WWOX: variants seen among roughly 807,000 people sequenced by gnomAD.
The protein encoded by WWOX is WW domain-containing oxidoreductase.
Under a neutral mutation model 46.2 loss-of-function variants are expected in WWOX, and 69 were observed. The observed-to-expected ratio is 1.49, with a 90% CI of 1.23 to 1.82. WWOX has a LOEUF of 1.82. Among genes scored for constraint, WWOX ranks in the 40% most tolerant of loss-of-function variants. The pLI, the probability that WWOX is intolerant of heterozygous loss-of-function variation, is 0.00. For synonymous variants in WWOX, 359 were observed against 202.6 expected (o/e 1.77, Z -6.56); for missense variants, 919 against 542.6 (o/e 1.69, Z -6.89).
At chr16:79,137,820 G>C (rs2050012125) in intron 8 of WWOX, among the ~76,000 whole-genome samples, 1 of 151,982 alleles carries the variant, frequency 6.6e-6, no homozygotes, top group Non-Finnish European at 1.5e-5. Flanking sequence ...GTGCCTGCTG[G>C]GTCAGGCTTC....
intron 8 of WWOX, among the ~76,000 whole-genome samples, chr16:78,945,567 G>A (rs1246143717): frequency 6.6e-6 from 1 of 152,154 alleles, no homozygotes. Context: ...TGGCCTTTTA[G>A]TCTTTTGGTT....
chr16:78,293,949 C>T (rs1035817139), intron 5 of WWOX, among the ~76,000 whole-genome samples: 3 of 125,182 alleles, frequency 2.4e-5, no homozygotes, highest in Admixed American at 2.1e-4. Flanking sequence ...TGCACTCTAG[C>T]CTGGGCGACA....
chr16:78,648,660 C>G (rs1299045224), intron 8 of WWOX, among the ~76,000 whole-genome samples: 1 of 152,162 alleles, frequency 6.6e-6, no homozygotes, highest in Non-Finnish European at 1.5e-5. Context: ...ACAGGATGTC[C>G]TGGTCTAGGG....
chr16:78,752,340 T>C lies in WWOX; in HGVS notation c.1056+319588T>C, dbSNP rs140046550. 6.6e-5 allele frequency among the ~76,000 whole-genome samples: 10 copies of C among 152,318 alleles called. No homozygotes were observed. The East Asian group carries it at 1.5e-3, about 24-fold the overall frequency. On this transcript the variant is annotated intron_variant, in intron 8 of 8. Coordinates refer to ENST00000566780, the MANE Select transcript of WWOX (RefSeq NM_016373.4). Reference sequence around the variant, plus strand: ...TCACACTCTGTTGCCCAGGCTAGAGTACAGTGATGCGATCTCAGCTTACTG... The same window carrying C: ...TCACACTCTGTTGCCCAGGCTAGAGCACAGTGATGCGATCTCAGCTTACTG...
intron 8 of WWOX, among the ~76,000 whole-genome samples, chr16:78,687,446 G>A (rs574622444): frequency 6.6e-6 from 1 of 152,294 alleles, no homozygotes; most frequent in African/African-American, 2.4e-5. Context: ...ATTTATCACG[G>A]TTAAGTGAAC....
At chr16:78,457,392 G>C (rs1050143875) in intron 8 of WWOX, among the ~76,000 whole-genome samples, 1 of 152,202 alleles carries the variant, frequency 6.6e-6, no homozygotes, top group Non-Finnish European at 1.5e-5. Flanking sequence ...TAGATAGAGA[G>C]CTGCACCAAC....
chr16:78,990,570 C>T (rs1001239903), intron 8 of WWOX, among the ~76,000 whole-genome samples: 2 of 152,164 alleles, frequency 1.3e-5, no homozygotes, highest in African/African-American at 2.4e-5. Context: ...GCCCCCAAAG[C>T]CCCAGGGTAA....
In WWOX at chr16:78,807,661, C is replaced by T. The variant is rs144800164; in HGVS notation, c.1056+374909C>T. Among the ~76,000 whole-genome samples the T allele has an allele frequency of 1.4e-3, 218 of 152,210 alleles. 1 individual carries two copies. Among genetic ancestry groups the T allele is most frequent in the African/African-American group, 4.9e-3 (203 of 41,542 alleles). The stretch of plus-strand genomic sequence containing the variant: ...AGAAATATTCTCTTAGATTGAAGGG[C>T]GCCAGCCTGTAATGGGCATCAGCTG... On this transcript the variant is annotated intron_variant, in intron 8 of 8. Coordinates refer to ENST00000566780, the MANE Select transcript of WWOX (RefSeq NM_016373.4).
At chr16:79,075,413 T>G (rs1038551738) in intron 8 of WWOX, among the ~76,000 whole-genome samples, 1 of 152,216 alleles carries the variant, frequency 6.6e-6, no homozygotes, top group Non-Finnish European at 1.5e-5. Flanking sequence ...CTTTCTGTCT[T>G]TTTCCCCTAT....
intron 8 of WWOX, among the ~76,000 whole-genome samples, chr16:78,828,403 A>G (rs181335391): frequency 7.9e-5 from 12 of 152,184 alleles, no homozygotes; most frequent in Admixed American, 7.8e-4. Context: ...AGGCAATATG[A>G]CCGTGTACAG....
chr16:78,662,067 A>G (rs552918327), intron 8 of WWOX, among the ~76,000 whole-genome samples: 1 of 152,142 alleles, frequency 6.6e-6, no homozygotes, highest in African/African-American at 2.4e-5. Flanking sequence ...TAATTGTAGT[A>G]GTAGTAGTGG....
At chr16:78,242,667 C>G (rs1567452611) in intron 5 of WWOX, among the ~76,000 whole-genome samples, 1 of 152,096 alleles carries the variant, frequency 6.6e-6, no homozygotes, top group Non-Finnish European at 1.5e-5. Flanking sequence ...TCTCTGGAAC[C>G]CATGGCTAAT....
intron 5 of WWOX, among the ~76,000 whole-genome samples, chr16:78,299,909 A>G (rs547157035): frequency 6.6e-6 from 1 of 152,232 alleles, no homozygotes; most frequent in African/African-American, 2.4e-5. Context: ...GGTTGTTTCC[A>G]CTACTGTGTA....
chr16:79,045,395 C>T (rs2048045449), intron 8 of WWOX, among the ~76,000 whole-genome samples: 1 of 152,090 alleles, frequency 6.6e-6, no homozygotes, highest in Non-Finnish European at 1.5e-5. Context: ...TGGCCTGGCT[C>T]CCACTCCAGA....
intron 8 of WWOX, among the ~76,000 whole-genome samples, chr16:78,596,660 C>T (rs76632619): frequency 0.023 from 3,501 of 152,234 alleles, 98 homozygotes; most frequent in East Asian, 0.14. Context: ...AGAACACGGA[C>T]TGTGTCATTG....
chr16:78,893,527 C>T (rs1567631563), intron 8 of WWOX, among the ~76,000 whole-genome samples: 1 of 152,176 alleles, frequency 6.6e-6, no homozygotes, highest in Non-Finnish European at 1.5e-5. Flanking sequence ...TAAGACACTT[C>T]CTCCTCCACC....
chr16:78,175,135 C>T (rs1328059138), intron 5 of WWOX, among the ~76,000 whole-genome samples: 1 of 152,086 alleles, frequency 6.6e-6, no homozygotes, highest in Non-Finnish European at 1.5e-5. Context: ...TCTTCAGTGT[C>T]AGTGCCCTGG....
At chr16:78,951,886 G>T (rs1470796464) in intron 8 of WWOX, among the ~76,000 whole-genome samples, 1 of 152,138 alleles carries the variant, frequency 6.6e-6, no homozygotes, top group Admixed American at 6.6e-5. Flanking sequence ...AATGGATGTG[G>T]GTGAGAGGAC....
chr16:78,870,600 A>C (rs984547698), intron 8 of WWOX, among the ~76,000 whole-genome samples: 1 of 151,668 alleles, frequency 6.6e-6, no homozygotes, highest in Non-Finnish European at 1.5e-5. Flanking sequence ...CAATGTAATC[A>C]GTTCTTTTTT....
Sources: allele counts gnomAD v4.1 joint callset (sites outside exome capture counted in the v4.1 genomes callset), GRCh38; gene constraint gnomAD v4.1.1; transcripts MANE v1.5; gene names NCBI Gene and HGNC (gene_info 2026-07-23, HGNC 2026-07-21).